Variants in DNAJC13 observed in about 807,000 individuals in gnomAD.
The protein encoded by DNAJC13 is DnaJ heat shock protein family (Hsp40) member C13, also known as dnaJ homolog subfamily C member 13.
Under a neutral mutation model 290.5 loss-of-function variants are expected in DNAJC13, and 75 were observed. The ratio of observed to expected loss-of-function variants is 0.26; its 90% CI spans 0.21 to 0.31. The LOEUF (loss-of-function observed/expected upper bound fraction) is 0.31, where lower values mean the gene tolerates loss of function less well. Among genes scored for constraint, DNAJC13 ranks in the 10% least tolerant of loss-of-function variants. DNAJC13 has a pLI of 1.00. For synonymous variants in DNAJC13, 862 were observed against 892.0 expected (o/e 0.97, Z 0.60); for missense variants, 2,260 against 2,674.5 (o/e 0.85, Z 3.42).
chr3:132,534,674 A>G (rs1936537895), intron 55 of DNAJC13, among the ~76,000 whole-genome samples: 1 of 152,208 alleles, frequency 6.6e-6, no homozygotes. Context: ...TTAAAAATGA[A>G]AGAACTATTT....
In DNAJC13 at chr3:132,479,312, C is replaced by T. The variant is rs62292951; in HGVS notation, c.2772+23C>T. 160,083 of 1,476,304 alleles carry T rather than the reference C, an allele frequency of 0.11. 9,429 individuals carry two copies. Among genetic ancestry groups the T allele is most frequent in the Middle Eastern group, 0.15 (869 of 5,764 alleles). The allele number at this position is 1,476,304 out of a possible 1,614,324, so 91.5% of individuals were successfully genotyped here. A position where few individuals can be genotyped will look rare whatever the true frequency, so the allele number is the denominator to read the frequency against. On this transcript the variant is annotated intron_variant, in intron 25 of 55. Transcript: ENST00000260818. ...AAGGTACAGTAGTTTCGCATACATACATTGTTATTTCCAAGTCATATAAGT... is the reference window on the plus strand; with the variant it reads ...AAGGTACAGTAGTTTCGCATACATATATTGTTATTTCCAAGTCATATAAGT...
chr3:132,518,244 G>A (rs1235009858), intron 48 of DNAJC13, among the ~76,000 whole-genome samples: 3 of 152,190 alleles, frequency 2.0e-5, no homozygotes, highest in South Asian at 2.1e-4. Flanking sequence ...TTTGAAATAC[G>A]TGAGGGACAA....
intron 46 of DNAJC13, 53 bp downstream of exon 46, chr3:132,514,723 G>A: frequency 7.5e-7 from 1 of 1,332,256 alleles, no homozygotes; most frequent in East Asian, 2.3e-5. Context: ...CCCATGGAAA[G>A]GAGTTGTTGC....
In DNAJC13 at chr3:132,503,400, G is replaced by A. The variant is rs1440921573; in HGVS notation, c.4884+19G>A. On this transcript the variant is annotated intron_variant, in intron 41 of 55. Coordinates refer to ENST00000260818, the MANE Select transcript of DNAJC13 (RefSeq NM_015268.4). ...GACTGAGGTATGTGCTTCACAGGTA[G>A]CCTGGGTTTTAATCAATAGTGCAAG... is the stretch of plus-strand genomic sequence containing the variant. The A allele has an allele frequency of 6.2e-7, 1 of 1,613,630 alleles. No individual in the cohort carries two copies. Among genetic ancestry groups the A allele is most frequent in the Admixed American group, 1.7e-5 (1 of 59,984 alleles).
chr3:132,418,129 C>T, intron 1 of DNAJC13, among the ~76,000 whole-genome samples: 1 of 152,214 alleles, frequency 6.6e-6, no homozygotes, highest in Non-Finnish European at 1.5e-5. Context: ...AGCACCCTTC[C>T]TGCTGGATGC....
chr3:132,513,141 C>T (rs759744741), intron 45 of DNAJC13, 42 bp downstream of exon 45: 1 of 1,486,776 alleles, frequency 6.7e-7, no homozygotes, highest in East Asian at 2.3e-5. Context: ...TTTCCTACCA[C>T]TTACCATGTG....
At chr3:132,472,285 C>G (rs62292944) in intron 20 of DNAJC13, among the ~76,000 whole-genome samples, 14,072 of 152,206 alleles carry the variant, frequency 0.092, 815 homozygotes, top group South Asian at 0.14. Context: ...GGTCCATGTA[C>G]AGACTTTAAG....
chr3:132,538,235 C>T lies in DNAJC13; in HGVS notation c.6685C>T (p.Pro2229Ser), dbSNP rs1413944421. ...GTSTSVMSNL[P>S]PPVDHEAGDL... ...ATCTACATCAGTCATGTCTAACCTG[C>T]CACCTCCTGTAGACCATGAGGCAGG... Residue 2229 changes from proline (P) to serine (S), a missense_variant, in exon 56 of 56, where the codon CCA becomes TCA. By Grantham distance (74) the Pro-to-Ser change is moderately conservative. Around this residue, in one of 3 missense-constraint regions of DNAJC13, gnomAD observed 1,494 missense variants for 1,693.7 expected, o/e 0.88. Coordinates refer to ENST00000260818, the MANE Select transcript of DNAJC13 (RefSeq NM_015268.4). The T allele has an allele frequency of 6.2e-7, 1 of 1,613,786 alleles. No individual in the cohort carries two copies. The highest frequency in any genetic ancestry group is 8.5e-7 in the Non-Finnish European group (1 of 1,179,974).
Position 132,456,524 on chromosome 3 carries a change from T to G in DNAJC13, c.1123T>G (p.Phe375Val). 1 of 1,614,044 alleles carries G rather than the reference T, an allele frequency of 6.2e-7. No homozygotes were observed. Among genetic ancestry groups the G allele is most frequent in the African/African-American group, 1.3e-5 (1 of 75,064 alleles). ...PPNGNFADAV[F>V]RFNANISYSG... ...AGATGGCAACTTTGCAGATGCTGTA[T>G]TCAGGTTCAATGCTAATATTTCATA... The change falls in exon 11 of 56, where the codon TTC becomes GTC. Residue 375 changes from phenylalanine to valine, a missense_variant. Physicochemically the swap from Phe to Val is conservative, Grantham distance 50. Transcript: ENST00000260818.
In DNAJC13 at chr3:132,507,890, T is replaced by C. The variant is rs141618734; in HGVS notation, c.5115+537T>C. Among the ~76,000 whole-genome samples the C allele has an allele frequency of 7.7e-4, 117 of 152,264 alleles. 1 individual carries two copies. Among genetic ancestry groups the C allele is most frequent in the African/African-American group, 2.7e-3 (111 of 41,556 alleles). On this transcript the variant is annotated intron_variant, in intron 43 of 55. Transcript: ENST00000260818. ...CTCACTTTAAATTAAAAGCTAGAAA[T>C]GATTAACCTTGATGAGGAAGGCTTG...
intron 1 of DNAJC13, among the ~76,000 whole-genome samples, chr3:132,430,075 T>C (rs1939201838): frequency 6.6e-6 from 1 of 152,194 alleles, no homozygotes; most frequent in Non-Finnish European, 1.5e-5. Flanking sequence ...ATATTTATTC[T>C]AATAGGCCAG....
In DNAJC13 at chr3:132,493,821, C is replaced by CT. The variant is rs140691306; in HGVS notation, c.3826-320dup. Among the ~76,000 whole-genome samples, 34,580 of 151,842 alleles carry CT rather than the reference C, an allele frequency of 0.23. 4,083 individuals carry two copies. Among genetic ancestry groups the CT allele is most frequent in the South Asian group, 0.32 (1,537 of 4,796 alleles). On this transcript the variant is annotated intron_variant, in intron 33 of 55. Transcript: ENST00000260818. ...AAAAATTAAAACTTTTAGGTTTTATCTTTCACCCGTAAAGATAACATGTAA... is the reference window on the plus strand; with the variant it reads ...AAAAATTAAAACTTTTAGGTTTTATCTTTTCACCCGTAAAGATAACATGTAA...
At position 132,495,108 on chromosome 3, in the gene DNAJC13, G is replaced by A. The variant is rs1935195058; in HGVS notation, c.3962G>A (p.Arg1321Lys). Residue 1321 changes from arginine (R) to lysine (K), a missense_variant, in exon 35 of 56, where the codon AGG becomes AAG. By Grantham distance (26) the Arg-to-Lys change is conservative. Coordinates refer to ENST00000260818, the MANE Select transcript of DNAJC13 (RefSeq NM_015268.4). ...AACAGGCATGATGAGAGCAAGATTA[G>A]GAAAGCTTACTTCAGACTTGCACAA... ...GQGPHDESKIRKAYFRLAQKY... is the reference protein window; with the variant it reads ...GQGPHDESKIKKAYFRLAQKY... 3 of 1,613,420 alleles carry A rather than the reference G, an allele frequency of 1.9e-6. No homozygotes were observed. Among genetic ancestry groups the A allele is most frequent in the Non-Finnish European group, 2.5e-6 (3 of 1,179,524 alleles).
At position 132,463,685 on chromosome 3, in the gene DNAJC13, T is replaced by G; in HGVS notation, c.1771-11T>G. 1 of 1,607,198 alleles carries G rather than the reference T, an allele frequency of 6.2e-7. No homozygotes were observed. The highest frequency in any genetic ancestry group is 1.3e-5 in the African/African-American group (1 of 74,816). ...TGCCACCTTAGGGATCATCTTACCC[T>G]TTTTCCAAAGGAAGGTGATAAAGAA... On this transcript the variant is annotated splice_polypyrimidine_tract_variant and intron_variant, in intron 16 of 55. Coordinates refer to ENST00000260818, the MANE Select transcript of DNAJC13 (RefSeq NM_015268.4).
intron 1 of DNAJC13, among the ~76,000 whole-genome samples, chr3:132,418,431 T>C (rs945710103): frequency 2.0e-5 from 3 of 152,208 alleles, no homozygotes; most frequent in African/African-American, 7.2e-5. Context: ...TACTTAACTA[T>C]GTTTAAGAGT....
In DNAJC13 at chr3:132,439,093, T is replaced by TAAG. The variant is rs1932961708; in HGVS notation, c.68+4475_68+4476insAAG. Reference sequence around the variant, plus strand: ...TAAAAATTTATAAGTAAAATCTACCTGTGGATCACCTTAATATTGCATACA... The same window carrying TAAG: ...TAAAAATTTATAAGTAAAATCTACCTAAGGTGGATCACCTTAATATTGCATACA... On this transcript the variant is annotated intron_variant, in intron 2 of 55. Coordinates refer to ENST00000260818, the MANE Select transcript of DNAJC13 (RefSeq NM_015268.4). Among the ~76,000 whole-genome samples, 7 of 152,340 alleles carry TAAG rather than the reference T, an allele frequency of 4.6e-5. No homozygotes were observed. In the South Asian group the frequency reaches 1.4e-3, roughly 32 times the overall value.
At chr3:132,430,346 T>C (rs1194958480) in intron 1 of DNAJC13, among the ~76,000 whole-genome samples, 1 of 152,048 alleles carries the variant, frequency 6.6e-6, no homozygotes, top group Non-Finnish European at 1.5e-5. Flanking sequence ...ATAATTCTTA[T>C]ATTTCTTTTG....
intron 28 of DNAJC13, 135 bp from the exon 29 acceptor site, chr3:132,484,453 C>T: frequency 1.4e-6 from 1 of 718,540 alleles, no homozygotes; most frequent in East Asian, 2.7e-5. Flanking sequence ...ATCATGTTCC[C>T]AGCTGTATGA....
intron 9 of DNAJC13, among the ~76,000 whole-genome samples, chr3:132,454,866 C>T (rs1456666081): frequency 3.9e-5 from 6 of 151,980 alleles, no homozygotes; most frequent in African/African-American, 7.2e-5. Flanking sequence ...GCTTTATGTA[C>T]GTTATCTTGC....
Sources: allele counts gnomAD v4.1 joint callset (sites outside exome capture counted in the v4.1 genomes callset), GRCh38; gene constraint gnomAD v4.1.1; regional missense constraint gnomAD v4.1.1; transcripts MANE v1.5; gene names NCBI Gene and HGNC (gene_info 2026-07-23, HGNC 2026-07-21).